The following HDAC4 variants were observed in gnomAD, a reference collection of about 807,000 sequenced individuals.
HDAC4 encodes histone deacetylase 4.
HDAC4 carries 16 observed loss-of-function variants against 135.1 expected under a neutral mutation model. That is an observed-to-expected ratio of 0.12 (90% CI 0.08 to 0.18). The LOEUF is 0.18. Ranked by LOEUF, HDAC4 falls within the 10% of genes least tolerant of loss-of-function variation. HDAC4 has a pLI of 1.00. For synonymous variants in HDAC4, 685 were observed against 653.4 expected (o/e 1.05, Z -0.74); for missense variants, 1,143 against 1,511.8 (o/e 0.76, Z 4.05).
At chr2:239,077,479 C>T (rs2034881887) in intron 22 of HDAC4, among the ~76,000 whole-genome samples, 1 of 152,280 alleles carries the variant, frequency 6.6e-6, no homozygotes, top group Admixed American at 6.5e-5. Context: ...CTGTTCGCTT[C>T]TTACAGGGCC....
chr2:239,377,686 G>A (rs1228819650), intron 1 of HDAC4, among the ~76,000 whole-genome samples: 1 of 152,242 alleles, frequency 6.6e-6, no homozygotes, highest in Non-Finnish European at 1.5e-5. Flanking sequence ...GGGCAGGGCT[G>A]ACAGCTCATC....
chr2:239,376,921 A>G (rs906495469), intron 1 of HDAC4, among the ~76,000 whole-genome samples: 2 of 152,128 alleles, frequency 1.3e-5, no homozygotes, highest in Non-Finnish European at 2.9e-5. Flanking sequence ...AGTTTCAATA[A>G]TAAGTGGCTC....
At chr2:239,236,529 C>T (rs559524296) in intron 3 of HDAC4, 64 bp downstream of exon 3, 34 of 1,292,138 alleles carry the variant, frequency 2.6e-5, no homozygotes, top group East Asian at 1.8e-4. Flanking sequence ...TAAGGCAGAG[C>T]GTCTGAACAC....
At chr2:239,089,880 G>A in intron 18 of HDAC4, 129 bp downstream of exon 18, 1 of 735,624 alleles carries the variant, frequency 1.4e-6, no homozygotes, top group South Asian at 1.4e-5. Flanking sequence ...GACAGAGTGG[G>A]GTCCACGCCT....
chr2:239,145,911 C>T (rs528187956), intron 7 of HDAC4, among the ~76,000 whole-genome samples: 7 of 152,294 alleles, frequency 4.6e-5, no homozygotes, highest in East Asian at 1.9e-4. Context: ...GAAAAGGCTT[C>T]GAGTCAGGGA....
At chr2:239,333,476 A>C (rs748936309) in intron 2 of HDAC4, among the ~76,000 whole-genome samples, 8 of 152,168 alleles carry the variant, frequency 5.3e-5, no homozygotes, top group Non-Finnish European at 8.8e-5. Flanking sequence ...ATAACACGTC[A>C]ATCTCATATC....
chr2:239,053,007 G>T lies in HDAC4; in HGVS notation c.*90C>A. 1 of 1,491,962 alleles carries T rather than the reference G, an allele frequency of 6.7e-7. No homozygotes were observed. Among genetic ancestry groups the T allele is most frequent in the South Asian group, 1.1e-5 (1 of 88,644 alleles). 92.4% of individuals were successfully genotyped at this position (1,491,962 alleles called of 1,614,324 possible). On this transcript the variant is annotated 3_prime_UTR_variant, in exon 27 of 27. Transcript: ENST00000543185. Reference sequence around the variant, plus strand: ...CCTGGGTGCTCCAAGAGAGCCCCACGGTGGGACGCAGGCGTGACACGGGAA... The same window carrying T: ...CCTGGGTGCTCCAAGAGAGCCCCACTGTGGGACGCAGGCGTGACACGGGAA...
intron 22 of HDAC4, among the ~76,000 whole-genome samples, chr2:239,075,367 G>A (rs1231474432): frequency 2.0e-5 from 3 of 152,258 alleles, no homozygotes; most frequent in African/African-American, 7.2e-5. Context: ...GGCAACCTGA[G>A]GGGAGAGAGG....
chr2:239,395,417 G>C (rs759318910), intron 1 of HDAC4, among the ~76,000 whole-genome samples: 18 of 152,216 alleles, frequency 1.2e-4, no homozygotes, highest in Admixed American at 5.9e-4. Context: ...ACCTTGAAGA[G>C]CTTACATGTG....
intron 12 of HDAC4, among the ~76,000 whole-genome samples, chr2:239,120,399 A>ACACAGACG (rs1448628879): frequency 6.8e-6 from 1 of 147,672 alleles, no homozygotes; most frequent in Non-Finnish European, 1.5e-5. Flanking sequence ...ACAGACGCAC[A>ACACAGACG]CAGACACACA....
At chr2:239,087,485 ACACC>A in intron 19 of HDAC4, 70 bp downstream of exon 19, 1 of 1,441,610 alleles carries the variant, frequency 6.9e-7, no homozygotes, top group Non-Finnish European at 9.6e-7. Flanking sequence ...AGTCACTCAC[ACACC>A]CACCCAGCCC....
intron 11 of HDAC4, among the ~76,000 whole-genome samples, chr2:239,129,606 C>T (rs1366765159): frequency 6.6e-6 from 1 of 152,138 alleles, no homozygotes; most frequent in East Asian, 1.9e-4. Flanking sequence ...CAACAGCTGA[C>T]CCTGGCTCCT....
chr2:239,098,492 C>G (rs1211001644), intron 16 of HDAC4, among the ~76,000 whole-genome samples: 1 of 152,238 alleles, frequency 6.6e-6, no homozygotes, highest in Non-Finnish European at 1.5e-5. Flanking sequence ...ACCCACTCGC[C>G]AGGGGCCCAG....
intron 13 of HDAC4, 79 bp downstream of exon 13, chr2:239,114,974 T>A: frequency 1.3e-6 from 2 of 1,549,126 alleles, no homozygotes; most frequent in Non-Finnish European, 1.8e-6. Flanking sequence ...GCCCCCGTGA[T>A]CACCACAGAA....
At chr2:239,269,131 A>T (rs2049910061) in intron 2 of HDAC4, among the ~76,000 whole-genome samples, 1 of 152,046 alleles carries the variant, frequency 6.6e-6, no homozygotes, top group African/African-American at 2.4e-5. Context: ...ACGTACATAC[A>T]TTCATTATCT....
In HDAC4 at chr2:239,137,254, C is replaced by G. The variant is rs549938630; in HGVS notation, c.978+2430G>C. On this transcript the variant is annotated intron_variant, in intron 9 of 26. Transcript: ENST00000543185. ...CCTGCGGGAGGCATTCTGAGGCTGG[C>G]GCCCCCGGACCGCATCTCAGCATGT... 5.9e-5 allele frequency among the ~76,000 whole-genome samples: 9 copies of G among 152,346 alleles called. No individual in the cohort carries two copies. In the East Asian group the frequency reaches 1.7e-3, roughly 29 times the overall value.
rs2048095525 is a variant in HDAC4 at position 239,240,129 on chromosome 2, G to A, written c.23-3465C>T. ...GCCAAACACTAAAGGCGTTTTGCCA[G>A]AGGTGGCTGGTGGAACACAATCCTG... On this transcript the variant is annotated intron_variant, in intron 2 of 26. Coordinates refer to ENST00000543185, the MANE Select transcript of HDAC4 (RefSeq NM_001378414.1). The surrounding 1 kb of genome is among the most constrained non-coding windows in gnomAD (Gnocchi z 4.5). Among the ~76,000 whole-genome samples, 1 of 152,284 alleles carries A rather than the reference G, an allele frequency of 6.6e-6. No individual in the cohort carries two copies. Among genetic ancestry groups the A allele is most frequent in the Non-Finnish European group, 1.5e-5 (1 of 68,046 alleles).
chr2:239,375,092 T>A (rs1694912990), intron 1 of HDAC4, among the ~76,000 whole-genome samples: 1 of 152,052 alleles, frequency 6.6e-6, no homozygotes, highest in African/African-American at 2.4e-5. Context: ...ATGGGTCAGC[T>A]GGGAGAACAC....
intron 25 of HDAC4, among the ~76,000 whole-genome samples, chr2:239,053,979 T>C (rs1211604891): frequency 6.6e-6 from 1 of 150,902 alleles, no homozygotes; most frequent in Non-Finnish European, 1.5e-5. Context: ...GCAGGTGAGC[T>C]GGGGGATTGT....
Sources: allele counts gnomAD v4.1 joint callset (sites outside exome capture counted in the v4.1 genomes callset), GRCh38; gene constraint gnomAD v4.1.1; non-coding constraint Gnocchi (gnomAD v3.1); transcripts MANE v1.5; gene names NCBI Gene and HGNC (gene_info 2026-07-23, HGNC 2026-07-21).